ATG14: variants seen among roughly 807,000 people sequenced by gnomAD.
The protein encoded by ATG14 is beclin 1-associated autophagy-related key regulator.
A neutral mutation model predicts 60.4 loss-of-function variants in ATG14; 35 were observed. That is an observed-to-expected ratio of 0.58 (90% confidence interval 0.44 to 0.77). The LOEUF is 0.77. Among genes scored for constraint, ATG14 ranks in the 30% least tolerant of loss-of-function variants. ATG14 has a pLI of 0.00. For missense variants in ATG14, 647 were observed against 626.3 expected (o/e 1.03, Z -0.35); for synonymous variants, 234 against 228.8 (o/e 1.02, Z -0.21).
At chr14:55,398,407 G>A (rs961894361) in intron 1 of ATG14, among the ~76,000 whole-genome samples, 1 of 152,080 alleles carries the variant, frequency 6.6e-6, no homozygotes, top group African/African-American at 2.4e-5. Context: ...ATCACATGAA[G>A]TTTAAAATCT....
At chr14:55,397,472 A>G (rs1885332185) in intron 1 of ATG14, 38 bp from the exon 2 acceptor site, 5 of 1,515,958 alleles carry the variant, frequency 3.3e-6, no homozygotes, top group African/African-American at 1.4e-5. Flanking sequence ...TTAAATGGTC[A>G]TTTTTTCAGT....
At chr14:55,370,035 C>A in intron 9 of ATG14, 110 bp from the exon 10 acceptor site, 1 of 1,008,242 alleles carries the variant, frequency 9.9e-7, no homozygotes, top group East Asian at 2.5e-5. Flanking sequence ...CGCCGCACAC[C>A]CCATTCATTC....
At chr14:55,381,096 C>T in intron 6 of ATG14, among the ~76,000 whole-genome samples, 1 of 151,946 alleles carries the variant, frequency 6.6e-6, no homozygotes, top group Middle Eastern at 3.2e-3. Context: ...AGGATGCTCC[C>T]CTAGTTCCTT....
intron 9 of ATG14, among the ~76,000 whole-genome samples, chr14:55,377,125 T>C (rs558464762): frequency 1.3e-5 from 2 of 152,272 alleles, no homozygotes; most frequent in South Asian, 2.1e-4. Flanking sequence ...AGCGGGTGGA[T>C]CACCAGAGGT....
At chr14:55,389,518 T>C (rs991703065) in intron 4 of ATG14, among the ~76,000 whole-genome samples, 1 of 152,212 alleles carries the variant, frequency 6.6e-6, no homozygotes, top group East Asian at 1.9e-4. Context: ...CACCATTACA[T>C]GCCACTATAA....
intron 1 of ATG14, among the ~76,000 whole-genome samples, chr14:55,405,894 G>T (rs578170615): frequency 2.0e-5 from 3 of 151,980 alleles, no homozygotes; most frequent in Non-Finnish European, 4.4e-5. Context: ...GGTGGCGGGG[G>T]GGGCAGGGGA....
intron 1 of ATG14, among the ~76,000 whole-genome samples, chr14:55,399,556 A>G (rs995362421): frequency 6.6e-6 from 1 of 152,232 alleles, no homozygotes; most frequent in African/African-American, 2.4e-5. Context: ...CCAGAATACT[A>G]AGAAATCTAA....
At chr14:55,388,815 C>T (rs1413421190) in intron 4 of ATG14, among the ~76,000 whole-genome samples, 1 of 152,174 alleles carries the variant, frequency 6.6e-6, no homozygotes, top group Non-Finnish European at 1.5e-5. Flanking sequence ...CAGCAGTTCC[C>T]AACCCTGGCA....
intron 9 of ATG14, among the ~76,000 whole-genome samples, chr14:55,372,978 A>G (rs1044111476): frequency 4.6e-5 from 7 of 151,988 alleles, no homozygotes; most frequent in Admixed American, 6.6e-5. Context: ...CCAATGATCA[A>G]CCTACATTTC....
At chr14:55,372,409 T>A (rs1325106174) in intron 9 of ATG14, among the ~76,000 whole-genome samples, 3 of 152,074 alleles carry the variant, frequency 2.0e-5, no homozygotes, top group Non-Finnish European at 4.4e-5. Flanking sequence ...AAACCAAAGA[T>A]GCTCTGATTC....
intron 1 of ATG14, among the ~76,000 whole-genome samples, chr14:55,404,327 C>T (rs1885455293): frequency 6.6e-6 from 1 of 152,178 alleles, no homozygotes; most frequent in South Asian, 2.1e-4. Flanking sequence ...ACCCTGATCC[C>T]TAAAGCACTC....
intron 5 of ATG14, among the ~76,000 whole-genome samples, chr14:55,383,598 C>CAAA (rs1258861694): frequency 0.011 from 1,659 of 150,918 alleles, 14 homozygotes; most frequent in Middle Eastern, 0.027. Context: ...CAAAAAAAAC[C>CAAA]CCCAAGAACA....
In ATG14 at chr14:55,397,999, G is replaced by C. The variant is rs557228519; in HGVS notation, c.222-565C>G. Among the ~76,000 whole-genome samples, 147 of 149,704 alleles carry C rather than the reference G, an allele frequency of 9.8e-4. 1 individual carries two copies. The highest frequency in any genetic ancestry group is 6.8e-3 in the Middle Eastern group (2 of 292). On this transcript the variant is annotated intron_variant, in intron 1 of 9. Coordinates refer to ENST00000247178, the MANE Select transcript of ATG14 (RefSeq NM_014924.5). ...GTCTCATTCTGTCACCCAGGCTGGG[G>C]TGTAGTGGTGCGATCTTGGCTCACT...
chr14:55,372,621 T>C (rs1243609269), intron 9 of ATG14, among the ~76,000 whole-genome samples: 3 of 150,746 alleles, frequency 2.0e-5, no homozygotes, highest in Non-Finnish European at 3.0e-5. Context: ...CTCCCTCCCT[T>C]CCTTTCTTCC....
chr14:55,387,448 C>G (rs979335252), intron 4 of ATG14, among the ~76,000 whole-genome samples: 7 of 152,152 alleles, frequency 4.6e-5, no homozygotes, highest in African/African-American at 1.7e-4. Context: ...CATAAACACT[C>G]CCCAGACCTT....
intron 3 of ATG14, among the ~76,000 whole-genome samples, chr14:55,393,257 C>A (rs558868424): frequency 6.6e-6 from 1 of 151,864 alleles, no homozygotes; most frequent in African/African-American, 2.4e-5. Flanking sequence ...TGGTGGTGGG[C>A]GCCTGTAGTC....
At chr14:55,408,920 T>C (rs1885529980) in intron 1 of ATG14, among the ~76,000 whole-genome samples, 2 of 152,200 alleles carry the variant, frequency 1.3e-5, no homozygotes, top group Admixed American at 1.3e-4. Flanking sequence ...AGGCTTCGTA[T>C]GCCATAGTAA....
At chr14:55,400,359 T>C (rs1885377152) in intron 1 of ATG14, among the ~76,000 whole-genome samples, 1 of 152,216 alleles carries the variant, frequency 6.6e-6, no homozygotes, top group South Asian at 2.1e-4. Context: ...ATTTCACATA[T>C]TGTTTTCCAA....
chr14:55,395,291 T>C, intron 3 of ATG14: 1 of 289,968 alleles, frequency 3.4e-6, no homozygotes, highest in East Asian at 1.1e-4. Context: ...ATCTAGAGCC[T>C]CAGCAAAGCC....
Sources: gnomAD v4.1 joint callset for allele counts (sites outside exome capture counted in the v4.1 genomes callset) on GRCh38, gnomAD v4.1.1 for gene constraint, MANE v1.5 for transcripts, NCBI Gene and HGNC (gene_info 2026-07-23, HGNC 2026-07-21) for gene names.